The following MYO16 variants were observed in gnomAD, a reference collection of about 807,000 sequenced individuals.
MYO16 encodes myosin XVI.
In MYO16, 94 loss-of-function variants were observed where a neutral mutation model predicts 205.3. The ratio of observed to expected loss-of-function variants is 0.46; its 90% CI spans 0.39 to 0.54. The LOEUF is 0.54. MYO16 is among the 20% of genes least tolerant of loss of function. The pLI is 0.00. For synonymous variants in MYO16, 988 were observed against 954.0 expected (o/e 1.04, Z -0.66); for missense variants, 2,315 against 2,387.5 (o/e 0.97, Z 0.63).
chr13:109,125,934 G>A lies in MYO16; in HGVS notation c.3782+576G>A, dbSNP rs988926622. Among the ~76,000 whole-genome samples the A allele has an allele frequency of 2.0e-5, 3 of 152,140 alleles. No individual in the cohort carries two copies. Among genetic ancestry groups the A allele is most frequent in the East Asian group, 1.9e-4 (1 of 5,192 alleles). ...GCTTAGCTTAAAACAGAAATGTGAC[G>A]ATCACCTGGTCCCTCTCCATTTGAT... On this transcript the variant is annotated intron_variant, in intron 30 of 34. Coordinates refer to ENST00000457511, the MANE Select transcript of MYO16 (RefSeq NM_001198950.3). The surrounding 1 kb of genome is among the most constrained non-coding windows in gnomAD (Gnocchi z 4.0).
intron 34 of MYO16, among the ~76,000 whole-genome samples, chr13:109,181,158 T>C (rs185143235): frequency 6.6e-6 from 1 of 152,378 alleles, no homozygotes; most frequent in East Asian, 1.9e-4. Flanking sequence ...TCGGGAATCA[T>C]TTTCCATTCT....
chr13:108,523,167 G>C, the MYO16 span, among the ~76,000 whole-genome samples: 2 of 152,126 alleles, frequency 1.3e-5, no homozygotes, highest in African/African-American at 4.8e-5. Context: ...GCAAATCAGG[G>C]TTCCCAGGGA....
At chr13:108,600,153 C>G (rs147103552) in intron 1 of MYO16, among the ~76,000 whole-genome samples, 2 of 152,298 alleles carry the variant, frequency 1.3e-5, no homozygotes, top group East Asian at 3.9e-4. Flanking sequence ...TGATGCAAAA[C>G]TTTTGCCAAC....
intron 21 of MYO16, among the ~76,000 whole-genome samples, chr13:109,000,504 A>G (rs1350728654): frequency 6.6e-6 from 1 of 152,242 alleles, no homozygotes; most frequent in African/African-American, 2.4e-5. Context: ...TATTTGAAAA[A>G]GGCTTATTAT....
At chr13:108,498,536 A>C in the MYO16 span, among the ~76,000 whole-genome samples, 1 of 152,196 alleles carries the variant, frequency 6.6e-6, no homozygotes, top group Non-Finnish European at 1.5e-5. Context: ...CCTTTCTTCT[A>C]CATTCTGCTC....
At chr13:108,943,633 T>C (rs1006596467) in intron 16 of MYO16, among the ~76,000 whole-genome samples, 2 of 152,046 alleles carry the variant, frequency 1.3e-5, no homozygotes, top group Admixed American at 1.3e-4. Flanking sequence ...GTATTTTTAG[T>C]AGAGATGAGG....
At chr13:108,634,385 CT>C (rs2139362614) in intron 1 of MYO16, among the ~76,000 whole-genome samples, 1 of 152,318 alleles carries the variant, frequency 6.6e-6, no homozygotes, top group South Asian at 2.1e-4. Context: ...CTCCTGCAAG[CT>C]TGCATTTCCC....
rs537367328 is a variant in MYO16, at chr13:108,749,150, CTTA to C, written c.507+21573_507+21575del. ...ATTAACATATGCATTACCTCACAAACTTATTATTTTTTGCAGTGAGAACACTGA... is the reference window on the plus strand; with the variant it reads ...ATTAACATATGCATTACCTCACAAACTTATTTTTTGCAGTGAGAACACTGA... On this transcript the variant is annotated intron_variant, in intron 4 of 34. Coordinates refer to ENST00000457511, the MANE Select transcript of MYO16 (RefSeq NM_001198950.3). 7.9e-4 allele frequency among the ~76,000 whole-genome samples: 120 copies of C among 152,198 alleles called. 1 individual carries two copies. Among genetic ancestry groups the C allele is most frequent in the African/African-American group, 2.8e-3 (117 of 41,546 alleles).
chr13:109,078,254 C>G (rs1355644988), intron 27 of MYO16, among the ~76,000 whole-genome samples: 1 of 141,152 alleles, frequency 7.1e-6, no homozygotes, highest in Admixed American at 7.3e-5. Context: ...TGGCAAAACC[C>G]CATCTCTACT....
At chr13:108,864,521 ATTTTTG>A (rs1156733725) in intron 11 of MYO16, among the ~76,000 whole-genome samples, 2 of 151,746 alleles carry the variant, frequency 1.3e-5, no homozygotes, top group African/African-American at 4.8e-5. Flanking sequence ...TTTTGTTTGG[ATTTTTG>A]TTTTTGTTTT....
chr13:109,130,056 A>G (rs968720589), intron 31 of MYO16, among the ~76,000 whole-genome samples: 10 of 152,104 alleles, frequency 6.6e-5, no homozygotes, highest in African/African-American at 2.4e-4. Flanking sequence ...ACACACACAT[A>G]TGTATATATC....
chr13:109,095,173 T>A (rs369813394), intron 27 of MYO16, among the ~76,000 whole-genome samples: 1 of 152,360 alleles, frequency 6.6e-6, no homozygotes, highest in South Asian at 2.1e-4. Context: ...AGGCTCATGT[T>A]TACTTTTTAC....
chr13:109,092,778 G>A (rs1238843778), intron 27 of MYO16, among the ~76,000 whole-genome samples: 1 of 152,182 alleles, frequency 6.6e-6, no homozygotes, highest in East Asian at 1.9e-4. Context: ...TGCATAAGCT[G>A]TTTTTATCTC....
At chr13:108,577,043 C>T in the MYO16 span, among the ~76,000 whole-genome samples, 1 of 152,212 alleles carries the variant, frequency 6.6e-6, no homozygotes, top group African/African-American at 2.4e-5. Context: ...TTACAGGCGA[C>T]AGCCACTGTG....
At chr13:108,966,238 C>A (rs1883790126) in intron 20 of MYO16, among the ~76,000 whole-genome samples, 1 of 152,044 alleles carries the variant, frequency 6.6e-6, no homozygotes, top group South Asian at 2.1e-4. Flanking sequence ...TGTTAATTTC[C>A]TATAAGTATA....
intron 28 of MYO16, among the ~76,000 whole-genome samples, chr13:109,109,039 G>A (rs1398994923): frequency 5.9e-5 from 9 of 152,074 alleles, no homozygotes; most frequent in Non-Finnish European, 1.2e-4. Flanking sequence ...GTTCTGGGGA[G>A]GCAAAAATAA....
At chr13:108,973,360 G>T (rs1228556465) in intron 20 of MYO16, among the ~76,000 whole-genome samples, 1 of 152,164 alleles carries the variant, frequency 6.6e-6, no homozygotes, top group Non-Finnish European at 1.5e-5. Flanking sequence ...AGAGGTGGAA[G>T]TCATTTTCTC....
chr13:109,021,273 C>A (rs190596223), intron 23 of MYO16, among the ~76,000 whole-genome samples: 1 of 152,270 alleles, frequency 6.6e-6, no homozygotes, highest in African/African-American at 2.4e-5. Flanking sequence ...AAAAGAGTTA[C>A]TAAGACAGTT....
intron 12 of MYO16, among the ~76,000 whole-genome samples, chr13:108,879,209 G>A (rs1346833741): frequency 1.3e-5 from 2 of 152,154 alleles, no homozygotes; most frequent in African/African-American, 2.4e-5. Flanking sequence ...GACATACAGT[G>A]TGTTCTTTTA....
Sources: gnomAD v4.1 joint callset for allele counts (sites outside exome capture counted in the v4.1 genomes callset) on GRCh38, gnomAD v4.1.1 for gene constraint, Gnocchi (gnomAD v3.1) non-coding constraint, MANE v1.5 for transcripts, NCBI Gene and HGNC (gene_info 2026-07-23, HGNC 2026-07-21) for gene names.